Variants in PRR5 observed in about 807,000 individuals in gnomAD.
The protein encoded by PRR5 is proline rich 5.
Under a neutral mutation model 30.6 loss-of-function variants are expected in PRR5, and 25 were observed. That is an observed-to-expected ratio of 0.82 (90% CI 0.60 to 1.14). PRR5 has a LOEUF of 1.14. Among genes scored for constraint, PRR5 ranks in the 50% most tolerant of loss-of-function variants. The pLI is 0.00. For missense variants in PRR5, 600 were observed against 547.1 expected, an observed-to-expected ratio of 1.10 and a Z score of -0.96; for synonymous variants, 286 against 247.1, an observed-to-expected ratio of 1.16 and a Z score of -1.48.
chr22:44,734,664 G>A (rs760572363), intron 6 of PRR5: 4 of 210,130 alleles, frequency 1.9e-5, no homozygotes, highest in Admixed American at 1.6e-4. Flanking sequence ...CCCTCCCTGC[G>A]TGGGGTCAGC....
intron 2 of PRR5, among the ~76,000 whole-genome samples, chr22:44,717,697 G>A (rs6006850): frequency 0.41 from 61,519 of 151,160 alleles, 13,062 homozygotes; most frequent in East Asian, 0.55. Flanking sequence ...GCTCAGGGAG[G>A]AGTACTTACC....
intron 4 of PRR5, among the ~76,000 whole-genome samples, chr22:44,728,608 C>G (rs1253686725): frequency 6.6e-6 from 1 of 152,238 alleles, no homozygotes; most frequent in Non-Finnish European, 1.5e-5. Context: ...GTGGTCTGTT[C>G]AGGGGAACTT....
At position 44,702,391 on chromosome 22, in the gene PRR5, C is replaced by A. The variant is rs955525390; in HGVS notation, c.-84C>A. 381 of 1,213,002 alleles carry A rather than the reference C, an allele frequency of 3.1e-4. 2 individuals are homozygous for A. The African/African-American group carries it at 5.4e-3, about 17-fold the overall frequency. 75.1% of individuals were successfully genotyped at this position (1,213,002 alleles called of 1,614,324 possible). ...CGGAGTTTCCGCGTAGAGGGCGCAT[C>A]GCCGGCCCGGGGCCCTTGGTGCGGC... On this transcript the variant is annotated 5_prime_UTR_variant, in exon 1 of 8. Coordinates refer to ENST00000336985, the MANE Select transcript of PRR5 (RefSeq NM_181333.4).
At chr22:44,711,006 C>T (rs1008120056) in intron 1 of PRR5, among the ~76,000 whole-genome samples, 3 of 151,310 alleles carry the variant, frequency 2.0e-5, no homozygotes, top group East Asian at 2.0e-4. Context: ...GTAACTCGGC[C>T]GAGTTACCCA....
In PRR5 at chr22:44,681,947, G is replaced by A. The variant is rs528070725; in HGVS notation, c.-11+4707G>A. ...TGGAAGGGATGCTGTGGCCAGAGCC[G>A]TGGCCTGAGAGCACAGTGGCTGGAG... is the stretch of plus-strand genomic sequence containing the variant. On this transcript the variant is annotated intron_variant, in intron 1 of 8. Transcript: ENST00000006251. Among the ~76,000 whole-genome samples the A allele has an allele frequency of 3.5e-4, 54 of 152,338 alleles. 1 individual carries two copies. The highest frequency in any genetic ancestry group is 3.2e-3 in the Admixed American group (49 of 15,312).
At chr22:44,685,617 C>A (rs1294227568) in intron 1 of PRR5, among the ~76,000 whole-genome samples, 1 of 151,640 alleles carries the variant, frequency 6.6e-6, no homozygotes, top group Non-Finnish European at 1.5e-5. Context: ...GAAAGCCACA[C>A]CCCTCTCCCC....
chr22:44,689,240 T>C (rs1925027071), intron 1 of PRR5, among the ~76,000 whole-genome samples: 1 of 152,206 alleles, frequency 6.6e-6, no homozygotes, highest in African/African-American at 2.4e-5. Flanking sequence ...TACCGGATCC[T>C]GCCCACCTGC....
At chr22:44,732,509 G>C (rs1004775789) in intron 6 of PRR5, 118 bp downstream of exon 6, 4 of 1,408,422 alleles carry the variant, frequency 2.8e-6, no homozygotes, top group African/African-American at 1.4e-5. Flanking sequence ...GGAAGGGCCC[G>C]ATCAGAGGAG....
At chr22:44,725,149 TC>T (rs1310349053) in intron 2 of PRR5, 94 bp from the exon 3 acceptor site, 2 of 1,560,110 alleles carry the variant, frequency 1.3e-6, no homozygotes, top group Non-Finnish European at 1.7e-6. Context: ...CATGCTGATC[TC>T]CCCCTGCCCA....
chr22:44,727,389 T>C (rs1421980054), intron 4 of PRR5, among the ~76,000 whole-genome samples: 3 of 152,308 alleles, frequency 2.0e-5, no homozygotes, highest in Admixed American at 6.5e-5. Flanking sequence ...TTGCTCGGGC[T>C]GTGCTGGGAT....
In PRR5 at chr22:44,737,397, T is replaced by C; in HGVS notation, c.*150T>C. 7.2e-7 allele frequency: 1 copy of C among 1,380,714 alleles called. No individual in the cohort carries two copies. Among genetic ancestry groups the C allele is most frequent in the Non-Finnish European group, 9.5e-7 (1 of 1,053,372 alleles). 85.5% of individuals were successfully genotyped at this position (1,380,714 alleles called of 1,614,324 possible). ...TGGCCTTGGTCACTTTGTATTTCTGTCTTGGTTGGAAATACCATCAGCCTT... is the reference window on the plus strand; with the variant it reads ...TGGCCTTGGTCACTTTGTATTTCTGCCTTGGTTGGAAATACCATCAGCCTT... On this transcript the variant is annotated 3_prime_UTR_variant, in exon 8 of 8. Transcript: ENST00000336985.
chr22:44,710,248 C>A (rs1204770545), intron 1 of PRR5, among the ~76,000 whole-genome samples: 1 of 151,840 alleles, frequency 6.6e-6, no homozygotes, highest in East Asian at 2.0e-4. Context: ...CAGCATGGAG[C>A]CTCCCTAAGG....
intron 5 of PRR5, 107 bp from the exon 6 acceptor site, chr22:44,732,144 C>T (rs1443457742): frequency 2.6e-6 from 4 of 1,535,232 alleles, no homozygotes; most frequent in Non-Finnish European, 3.5e-6. Flanking sequence ...GTGGAGGGGC[C>T]TGAGGGTCGG....
intron 1 of PRR5, among the ~76,000 whole-genome samples, chr22:44,681,235 C>A (rs1924256004): frequency 6.6e-6 from 1 of 152,128 alleles, no homozygotes; most frequent in Non-Finnish European, 1.5e-5. Flanking sequence ...GGAGGGCCAG[C>A]CTTCCTTTGA....
At chr22:44,728,450 T>C (rs1921265975) in intron 4 of PRR5, among the ~76,000 whole-genome samples, 1 of 152,146 alleles carries the variant, frequency 6.6e-6, no homozygotes, top group Non-Finnish European at 1.5e-5. Flanking sequence ...ACAGCCCAAT[T>C]GGGGACACAG....
Position 44,691,620 on chromosome 22 carries a change from A to G in PRR5, c.-10-10872A>G, listed in dbSNP as rs573739533. Reference sequence around the variant, plus strand: ...AAAACCCCGTCTCTACTAAAAACACAAAAACTAGCCAGGCGTGGTGGTGCA... The same window carrying G: ...AAAACCCCGTCTCTACTAAAAACACGAAAACTAGCCAGGCGTGGTGGTGCA... On this transcript the variant is annotated intron_variant, in intron 1 of 8. Coordinates refer to the PRR5 transcript ENST00000006251. This position sits in a 1 kb window ranked among gnomAD's most constrained non-coding sequence, Gnocchi z 4.4. Among the ~76,000 whole-genome samples, 8 of 152,276 alleles carry G rather than the reference A, an allele frequency of 5.3e-5. No individual in the cohort carries two copies. The South Asian group carries it at 1.7e-3, about 32-fold the overall frequency.
At chr22:44,694,315 A>G (rs1925555459) in intron 1 of PRR5, among the ~76,000 whole-genome samples, 1 of 152,146 alleles carries the variant, frequency 6.6e-6, no homozygotes, top group African/African-American at 2.4e-5. Flanking sequence ...AGGCAGGTGG[A>G]TCACTTGAGG....
chr22:44,724,874 G>A (rs1053419664), intron 2 of PRR5, among the ~76,000 whole-genome samples: 34 of 152,336 alleles, frequency 2.2e-4, no homozygotes, highest in African/African-American at 7.5e-4. Context: ...CGTGGCATCC[G>A]GGATTTGGAC....
chr22:44,695,658 G>A (rs1925679885), intron 1 of PRR5, among the ~76,000 whole-genome samples: 1 of 152,080 alleles, frequency 6.6e-6, no homozygotes, highest in Non-Finnish European at 1.5e-5. Context: ...GAGTGCAATG[G>A]CTCAGTCTGG....
Sources: gnomAD v4.1 joint callset for allele counts (sites outside exome capture counted in the v4.1 genomes callset) on GRCh38, gnomAD v4.1.1 for gene constraint, Gnocchi (gnomAD v3.1) non-coding constraint, MANE v1.5 for transcripts, NCBI Gene and HGNC (gene_info 2026-07-23, HGNC 2026-07-21) for gene names.